KHDRBS2: variants seen among roughly 807,000 people sequenced by gnomAD.
The protein encoded by KHDRBS2 is KH RNA binding domain containing, signal transduction associated 2.
A neutral mutation model predicts 44.3 loss-of-function variants in KHDRBS2; 26 were observed. That is an observed-to-expected ratio of 0.59 (90% CI 0.43 to 0.81). KHDRBS2 has a LOEUF of 0.81. KHDRBS2 is among the 40% of genes least tolerant of loss of function. The pLI, the probability that KHDRBS2 is intolerant of heterozygous loss-of-function variation, is 0.00. For synonymous variants in KHDRBS2, 194 were observed against 151.1 expected, an observed-to-expected ratio of 1.28 and a Z score of -2.08; for missense variants, 476 against 433.1, an observed-to-expected ratio of 1.10 and a Z score of -0.88.
At chr6:61,916,918 T>A (rs1345249764) in intron 4 of KHDRBS2, among the ~76,000 whole-genome samples, 3 of 150,156 alleles carry the variant, frequency 2.0e-5, no homozygotes, top group Non-Finnish European at 3.0e-5. Flanking sequence ...TCCAGAACAC[T>A]GACACCACCA....
the KHDRBS2 span, among the ~76,000 whole-genome samples, chr6:61,610,535 G>T: frequency 6.6e-6 from 1 of 152,068 alleles, no homozygotes; most frequent in Non-Finnish European, 1.5e-5. Flanking sequence ...AAGCTTAACT[G>T]GTCCTATAGG....
At chr6:61,733,215 G>C (rs186429859) in intron 6 of KHDRBS2, among the ~76,000 whole-genome samples, 2 of 151,960 alleles carry the variant, frequency 1.3e-5, no homozygotes, top group East Asian at 3.9e-4. Context: ...TCAACTTTCA[G>C]TAAAAATTAT....
intron 6 of KHDRBS2, among the ~76,000 whole-genome samples, chr6:61,866,402 T>C (rs62414688): frequency 0.35 from 53,758 of 152,068 alleles, 10,303 homozygotes; most frequent in African/African-American, 0.51. Flanking sequence ...TCAGCCATGG[T>C]TGGAGCAGCT....
the KHDRBS2 span, among the ~76,000 whole-genome samples, chr6:61,589,695 C>T: frequency 6.6e-6 from 1 of 152,158 alleles, no homozygotes; most frequent in Admixed American, 6.6e-5. Context: ...GGATGATTTT[C>T]TGTTTCTATG....
chr6:62,259,875 C>T (rs1838046596), intron 1 of KHDRBS2, among the ~76,000 whole-genome samples: 1 of 151,962 alleles, frequency 6.6e-6, no homozygotes, highest in African/African-American at 2.4e-5. Context: ...TTTAACTGTA[C>T]TCTGATATGG....
At chr6:61,784,449 C>T (rs1783479892) in intron 6 of KHDRBS2, among the ~76,000 whole-genome samples, 1 of 151,788 alleles carries the variant, frequency 6.6e-6, no homozygotes, top group African/African-American at 2.4e-5. Flanking sequence ...AAATAACTCA[C>T]AACATGAGTA....
intron 3 of KHDRBS2, among the ~76,000 whole-genome samples, chr6:62,016,174 G>T (rs767632552): frequency 6.6e-6 from 1 of 151,902 alleles, no homozygotes; most frequent in Admixed American, 6.6e-5. Flanking sequence ...GCTTATACTT[G>T]GGAATTTCAC....
In KHDRBS2 at chr6:62,281,615, G is replaced by C. The variant is rs148630557; in HGVS notation, c.91+4243C>G. On this transcript the variant is annotated intron_variant, in intron 1 of 8. Coordinates refer to ENST00000281156, the MANE Select transcript of KHDRBS2 (RefSeq NM_152688.4). ...AACCTGGGCAACAGCGCAAGGCTCT[G>C]TCTCAAAAATAAAATAAAATAAATT... Among the ~76,000 whole-genome samples the C allele has an allele frequency of 6.2e-4, 95 of 152,230 alleles. 1 individual carries two copies. Among genetic ancestry groups the C allele is most frequent in the African/African-American group, 2.2e-3 (92 of 41,538 alleles).
chr6:61,912,796 T>A (rs977311289), intron 4 of KHDRBS2, among the ~76,000 whole-genome samples: 1 of 152,166 alleles, frequency 6.6e-6, no homozygotes, highest in African/African-American at 2.4e-5. Flanking sequence ...CTATTCTGTA[T>A]GTTACAGAAA....
At chr6:62,044,107 T>A (rs1787145978) in intron 3 of KHDRBS2, among the ~76,000 whole-genome samples, 1 of 152,066 alleles carries the variant, frequency 6.6e-6, no homozygotes, top group Non-Finnish European at 1.5e-5. Context: ...ACCAAATATC[T>A]TCTTTTATCA....
At chr6:62,174,234 C>A (rs1239364723) in intron 2 of KHDRBS2, among the ~76,000 whole-genome samples, 1 of 151,540 alleles carries the variant, frequency 6.6e-6, no homozygotes, top group Non-Finnish European at 1.5e-5. Flanking sequence ...AATCAATGTA[C>A]AAAAATCAGT....
intron 4 of KHDRBS2, among the ~76,000 whole-genome samples, chr6:61,916,568 A>G (rs1360878504): frequency 1.3e-5 from 2 of 152,020 alleles, no homozygotes; most frequent in Non-Finnish European, 2.9e-5. Flanking sequence ...TTTTAAATGT[A>G]TCTGGATTTC....
At chr6:61,663,531 C>T in the KHDRBS2 span, among the ~76,000 whole-genome samples, 17 of 8,136 alleles carry the variant, frequency 2.1e-3, no homozygotes, top group African/African-American at 5.2e-3. Context: ...ATATATGCAG[C>T]TGGGACATGG....
At chr6:61,780,440 C>A (rs1203802023) in intron 6 of KHDRBS2, among the ~76,000 whole-genome samples, 4 of 152,098 alleles carry the variant, frequency 2.6e-5, no homozygotes, top group Non-Finnish European at 5.9e-5. Flanking sequence ...GCAGAGGTTG[C>A]AAATCACACC....
chr6:62,126,262 T>C (rs1322263618), intron 2 of KHDRBS2, among the ~76,000 whole-genome samples: 2 of 152,090 alleles, frequency 1.3e-5, no homozygotes, highest in African/African-American at 2.4e-5. Context: ...CCATTTCTTA[T>C]ATGAAAAAAG....
At chr6:62,057,374 A>C (rs1247779544) in intron 2 of KHDRBS2, among the ~76,000 whole-genome samples, 1 of 152,100 alleles carries the variant, frequency 6.6e-6, no homozygotes, top group South Asian at 2.1e-4. Context: ...GTAATCACTA[A>C]GCTGGTTACA....
chr6:61,773,210 C>G (rs1335873094), intron 6 of KHDRBS2, among the ~76,000 whole-genome samples: 4 of 152,188 alleles, frequency 2.6e-5, no homozygotes, highest in Admixed American at 1.3e-4. Flanking sequence ...CCTGAGGAAT[C>G]GCCACACTGA....
At chr6:62,006,812 T>C (rs1483029737) in intron 3 of KHDRBS2, among the ~76,000 whole-genome samples, 6 of 151,816 alleles carry the variant, frequency 4.0e-5, no homozygotes, top group Non-Finnish European at 8.8e-5. Flanking sequence ...ATAAAGCAAA[T>C]TATAGATATC....
At chr6:62,240,268 C>A (rs1239079447) in intron 1 of KHDRBS2, among the ~76,000 whole-genome samples, 1 of 151,926 alleles carries the variant, frequency 6.6e-6, no homozygotes, top group Non-Finnish European at 1.5e-5. Context: ...CTAATATATC[C>A]CCATCACTGT....
Sources: allele counts gnomAD v4.1 joint callset (sites outside exome capture counted in the v4.1 genomes callset), GRCh38; gene constraint gnomAD v4.1.1; transcripts MANE v1.5; gene names NCBI Gene and HGNC (gene_info 2026-07-23, HGNC 2026-07-21).